PLCB4: variants seen among roughly 807,000 people sequenced by gnomAD.
PLCB4 encodes phospholipase C beta 4.
In PLCB4, 77 loss-of-function variants were observed where a neutral mutation model predicts 178.8. That is an observed-to-expected ratio of 0.43 (90% CI 0.36 to 0.52). The LOEUF is 0.52. Among genes scored for constraint, PLCB4 ranks in the 20% least tolerant of loss-of-function variants. PLCB4 has a pLI of 0.00. For missense variants in PLCB4, 1,024 were observed against 1,453.4 expected (o/e 0.70, Z 4.80); for synonymous variants, 496 against 490.8 (o/e 1.01, Z -0.14).
intron 2 of PLCB4, among the ~76,000 whole-genome samples, chr20:9,185,947 G>A (rs865795542): frequency 1.3e-5 from 2 of 152,264 alleles, no homozygotes; most frequent in Middle Eastern, 3.4e-3. Flanking sequence ...TTTTTCCACA[G>A]CACTTACCAT....
intron 21 of PLCB4, among the ~76,000 whole-genome samples, chr20:9,406,655 C>T (rs2039461127): frequency 6.6e-6 from 1 of 152,038 alleles, no homozygotes; most frequent in African/African-American, 2.4e-5. Flanking sequence ...CCACCATGCC[C>T]AGTTAATTTT....
chr20:9,222,300 C>T (rs1477492139), intron 3 of PLCB4, among the ~76,000 whole-genome samples: 2 of 151,860 alleles, frequency 1.3e-5, no homozygotes, highest in South Asian at 2.1e-4. Flanking sequence ...GCTATGTTGA[C>T]GAGGCTGGTT....
In PLCB4 at chr20:9,069,204, CAGGT is replaced by C. The variant is rs981115015; in HGVS notation, c.-135+2_-135+5del. The C allele has an allele frequency of 6.5e-6, 1 of 152,950 alleles. No homozygotes were observed. The highest frequency in any genetic ancestry group is 1.5e-5 in the Non-Finnish European group (1 of 68,356). The allele number at this position is 152,950 out of a possible 1,614,324, so 9.5% of individuals were successfully genotyped here. On this transcript the variant is annotated splice_donor_variant and 5_prime_UTR_variant, in exon 1 of 40. Coordinates refer to ENST00000378473, the MANE Select transcript of PLCB4 (RefSeq NM_001377142.1). LOFTEE classifies it low-confidence loss of function (5UTR_SPLICE). ...CCGGCAGCAGCTCCAGGCAAAGTGA[CAGGT>C]AGGAAAAGGCATTTCGGGTCCCGCC...
chr20:9,165,424 CTT>C, intron 2 of PLCB4, among the ~76,000 whole-genome samples: 1 of 152,256 alleles, frequency 6.6e-6, no homozygotes, highest in East Asian at 1.9e-4. Flanking sequence ...GCGTTGAAAA[CTT>C]GTCACAATAT....
chr20:9,339,000 T>G lies in PLCB4; in HGVS notation c.332T>G (p.Phe111Cys), dbSNP rs1005846972. 6 of 1,613,458 alleles carry G rather than the reference T, an allele frequency of 3.7e-6. No homozygotes were observed. Among genetic ancestry groups the G allele is most frequent in the Non-Finnish European group, 5.1e-6 (6 of 1,179,588 alleles). Residue 111 changes from phenylalanine to cysteine, a missense_variant, in exon 7 of 40, where the codon TTT becomes TGT. This residue lies in a region of PLCB4 where 225 missense variants were observed against 291.0 expected (regional missense o/e 0.77). Transcript: ENST00000378473. ...GGCACAGATCTAGTGAACATTAGTT[T>G]TACCTACATGGTGGCTGAAAATCCA... ...CSGTDLVNISFTYMVAENPEV... is the reference protein window; with the variant it reads ...CSGTDLVNISCTYMVAENPEV...
At chr20:9,105,062 A>G (rs1318645458) in intron 2 of PLCB4, among the ~76,000 whole-genome samples, 1 of 152,132 alleles carries the variant, frequency 6.6e-6, no homozygotes, top group Non-Finnish European at 1.5e-5. Flanking sequence ...TGAGTGAATG[A>G]AGATATGAAT....
chr20:9,395,785 C>T (rs1037698901), intron 19 of PLCB4, among the ~76,000 whole-genome samples, 167 bp downstream of exon 19: 3 of 152,094 alleles, frequency 2.0e-5, no homozygotes, highest in Non-Finnish European at 2.9e-5. Context: ...GCAACATTTT[C>T]GTAGAGATGA....
chr20:9,095,608 A>G (rs886078507), intron 1 of PLCB4, among the ~76,000 whole-genome samples: 3 of 152,212 alleles, frequency 2.0e-5, no homozygotes, highest in African/African-American at 7.2e-5. Flanking sequence ...AGTGATTTTG[A>G]AAAGTCATAT....
intron 3 of PLCB4, among the ~76,000 whole-genome samples, chr20:9,229,834 T>C (rs2093912644): frequency 6.6e-6 from 1 of 152,132 alleles, no homozygotes; most frequent in Admixed American, 6.6e-5. Context: ...CGAGCTATCC[T>C]TCCTGATGCT....
chr20:9,433,220 C>T (rs2041547440), intron 28 of PLCB4, among the ~76,000 whole-genome samples: 1 of 152,278 alleles, frequency 6.6e-6, no homozygotes, highest in South Asian at 2.1e-4. Flanking sequence ...ATGGGACAAC[C>T]AGCCTTTATG....
chr20:9,439,165 A>C (rs1602724981), intron 30 of PLCB4, among the ~76,000 whole-genome samples: 1 of 152,180 alleles, frequency 6.6e-6, no homozygotes, highest in Non-Finnish European at 1.5e-5. Context: ...ATCATGTTTC[A>C]TTGGGTTGGT....
chr20:9,113,825 C>T (rs978145171), intron 2 of PLCB4, among the ~76,000 whole-genome samples: 1 of 152,128 alleles, frequency 6.6e-6, no homozygotes, highest in Non-Finnish European at 1.5e-5. Context: ...GAATGCCAAA[C>T]AAATTGAGTC....
intron 2 of PLCB4, among the ~76,000 whole-genome samples, chr20:9,131,692 G>T (rs775122818): frequency 6.6e-6 from 1 of 152,204 alleles, no homozygotes; most frequent in Non-Finnish European, 1.5e-5. Flanking sequence ...AACCATGGTA[G>T]ACTGTTACAT....
chr20:9,456,665 G>T (rs2043076750), intron 33 of PLCB4, among the ~76,000 whole-genome samples: 1 of 152,188 alleles, frequency 6.6e-6, no homozygotes, highest in Non-Finnish European at 1.5e-5. Context: ...GAAGAGAGAA[G>T]AAACTTGCTC....
At chr20:9,427,903 C>T (rs934208498) in intron 28 of PLCB4, among the ~76,000 whole-genome samples, 9 of 152,150 alleles carry the variant, frequency 5.9e-5, no homozygotes, top group South Asian at 2.1e-4. Flanking sequence ...CTTTGTTCCT[C>T]GGGCAGTGCT....
chr20:9,348,261 C>T (rs1327443505), intron 7 of PLCB4, among the ~76,000 whole-genome samples: 3 of 152,098 alleles, frequency 2.0e-5, no homozygotes, highest in Admixed American at 6.6e-5. Context: ...CAGTTGTTCT[C>T]GGCTTCAATC....
chr20:9,098,651 T>C (rs1230113133), intron 2 of PLCB4, among the ~76,000 whole-genome samples: 3 of 151,000 alleles, frequency 2.0e-5, no homozygotes, highest in Non-Finnish European at 2.9e-5. Flanking sequence ...TATACGTATA[T>C]ATGTTAGTCT....
chr20:9,199,721 A>G (rs1293357243), intron 2 of PLCB4, among the ~76,000 whole-genome samples: 1 of 152,364 alleles, frequency 6.6e-6, no homozygotes, highest in East Asian at 1.9e-4. Context: ...TCTGAGAGAA[A>G]TGAACAAAAA....
intron 6 of PLCB4, 112 bp downstream of exon 6, chr20:9,338,179 T>A (rs2032726447): frequency 5.7e-6 from 4 of 707,950 alleles, no homozygotes; most frequent in South Asian, 5.0e-5. Flanking sequence ...CTTAAAACAT[T>A]TGATCTCAGT....
Sources: allele counts gnomAD v4.1 joint callset (sites outside exome capture counted in the v4.1 genomes callset), GRCh38; gene constraint gnomAD v4.1.1; regional missense constraint gnomAD v4.1.1; transcripts MANE v1.5; gene names NCBI Gene and HGNC (gene_info 2026-07-23, HGNC 2026-07-21).